The following MOB1B variants were observed in gnomAD, a reference collection of about 807,000 sequenced individuals.
The protein encoded by MOB1B is MOB kinase activator 1B, also known as MOB1 Mps One Binder homolog B.
MOB1B carries 19 observed loss-of-function variants against 24.4 expected under a neutral mutation model. The ratio of observed to expected loss-of-function variants is 0.78; its 90% CI spans 0.54 to 1.14. MOB1B has a LOEUF of 1.14. Ranked by LOEUF, MOB1B falls within the 50% of genes most tolerant of loss-of-function variation. MOB1B has a pLI of 0.00. For missense variants in MOB1B, 243 were observed against 259.6 expected (o/e 0.94, Z 0.44); for synonymous variants, 76 against 82.1 (o/e 0.93, Z 0.40).
intron 3 of MOB1B, among the ~76,000 whole-genome samples, chr4:70,972,011 T>C (rs560460741): frequency 4.0e-4 from 60 of 151,846 alleles, no homozygotes; most frequent in African/African-American, 1.4e-3. Context: ...TTTCTCCCTT[T>C]TTTTTTTTGG....
At chr4:70,961,780 A>ACTTC (rs1418095141) in intron 2 of MOB1B, among the ~76,000 whole-genome samples, 2 of 152,236 alleles carry the variant, frequency 1.3e-5, no homozygotes, top group African/African-American at 4.8e-5. Context: ...CAGGACAGAT[A>ACTTC]CTTCCAGTCA....
chr4:70,944,896 C>T (rs1737513176), intron 1 of MOB1B, among the ~76,000 whole-genome samples: 1 of 152,176 alleles, frequency 6.6e-6, no homozygotes, highest in African/African-American at 2.4e-5. Flanking sequence ...ATCCAAACAC[C>T]TACCAGCATT....
chr4:70,965,063 C>T (rs368943369), intron 2 of MOB1B, among the ~76,000 whole-genome samples: 13 of 151,176 alleles, frequency 8.6e-5, no homozygotes, highest in South Asian at 2.1e-4. Flanking sequence ...TTTGGGAGGC[C>T]GAGGTAGGTG....
chr4:70,948,586 A>G (rs527957198), intron 1 of MOB1B, among the ~76,000 whole-genome samples: 2 of 152,300 alleles, frequency 1.3e-5, no homozygotes, highest in East Asian at 1.9e-4. Context: ...TGTTATTTCT[A>G]AAGATACTGA....
intron 1 of MOB1B, among the ~76,000 whole-genome samples, chr4:70,934,238 C>T (rs1222480737): frequency 6.6e-6 from 1 of 150,992 alleles, no homozygotes; most frequent in African/African-American, 2.4e-5. Context: ...GCATGTACCA[C>T]ATGTGCCTGG....
At chr4:70,905,970 G>A (rs1441111398) in intron 1 of MOB1B, among the ~76,000 whole-genome samples, 1 of 152,076 alleles carries the variant, frequency 6.6e-6, no homozygotes, top group Non-Finnish European at 1.5e-5. Flanking sequence ...TGGGGGCTGA[G>A]GTGGAAGGGT....
intron 3 of MOB1B, among the ~76,000 whole-genome samples, chr4:70,974,757 A>G (rs57461326): frequency 0.028 from 4,240 of 152,284 alleles, 195 homozygotes; most frequent in African/African-American, 0.095. Context: ...GCCCCAAGTT[A>G]AAAAGAATTG....
chr4:70,956,567 G>A (rs766472459), intron 1 of MOB1B, among the ~76,000 whole-genome samples: 2 of 151,992 alleles, frequency 1.3e-5, no homozygotes, highest in Non-Finnish European at 2.9e-5. Flanking sequence ...AGTAGCTGGG[G>A]TTACAAGCAT....
At chr4:70,930,639 T>C (rs541134072) in intron 1 of MOB1B, among the ~76,000 whole-genome samples, 16 of 152,338 alleles carry the variant, frequency 1.1e-4, no homozygotes, top group African/African-American at 3.8e-4. Context: ...ATACTGTGCA[T>C]GATTGTATGT....
chr4:70,950,157 C>T (rs576656542), intron 1 of MOB1B, among the ~76,000 whole-genome samples: 5 of 151,886 alleles, frequency 3.3e-5, no homozygotes, highest in South Asian at 2.1e-4. Flanking sequence ...GGCTTTAGGC[C>T]GAGTGCTGTG....
intron 1 of MOB1B, among the ~76,000 whole-genome samples, chr4:70,951,009 A>T (rs970765627): frequency 6.6e-6 from 1 of 152,170 alleles, no homozygotes; most frequent in South Asian, 2.1e-4. Context: ...CCTTGAAGAG[A>T]TGGAGCTGTT....
At chr4:70,915,776 C>A (rs1736170590) in intron 1 of MOB1B, among the ~76,000 whole-genome samples, 1 of 151,334 alleles carries the variant, frequency 6.6e-6, no homozygotes, top group Non-Finnish European at 1.5e-5. Context: ...TGGCTTGAGG[C>A]ATAGTCCCTA....
At chr4:70,941,041 TAA>T (rs1296007932) in intron 1 of MOB1B, among the ~76,000 whole-genome samples, 2 of 152,242 alleles carry the variant, frequency 1.3e-5, no homozygotes, top group African/African-American at 4.8e-5. Context: ...TAACCAAATT[TAA>T]CTGTAGTATT....
chr4:70,902,245 G>C (rs1409825585), upstream of MOB1B: 8 of 553,814 alleles, frequency 1.4e-5, no homozygotes, highest in African/African-American at 3.9e-5. Flanking sequence ...GCGAGAGCTC[G>C]TGAGGTGGGG....
Position 70,915,814 on chromosome 4 carries a change from C to T in MOB1B, c.14+13264C>T, listed in dbSNP as rs910613136. ...TATTGGGGATCGTGGAACTGTCTCC[C>T]TGCTCTGTCTAGTGGAAGCAGGGTA... On this transcript the variant is annotated intron_variant, in intron 1 of 5. Coordinates refer to ENST00000309395, the MANE Select transcript of MOB1B (RefSeq NM_173468.4). 3.3e-5 allele frequency among the ~76,000 whole-genome samples: 5 copies of T among 152,004 alleles called. No homozygotes were observed. The South Asian group carries it at 8.3e-4, about 25-fold the overall frequency.
intron 1 of MOB1B, among the ~76,000 whole-genome samples, chr4:70,923,111 A>C (rs189496897): frequency 6.6e-6 from 1 of 152,300 alleles, no homozygotes; most frequent in African/African-American, 2.4e-5. Flanking sequence ...GAACCGCAGC[A>C]CAAAAGCCTG....
rs941189961 is a variant in MOB1B at position 70,983,043 on chromosome 4, A to G, written c.*986A>G. The G allele has an allele frequency of 1.3e-5, 2 of 152,338 alleles. No homozygotes were observed. The highest frequency in any genetic ancestry group is 4.8e-5 in the African/African-American group (2 of 41,460). 9.4% of individuals were successfully genotyped at this position (152,338 alleles called of 1,614,324 possible). On this transcript the variant is annotated 3_prime_UTR_variant, in exon 6 of 6. Coordinates refer to ENST00000309395, the MANE Select transcript of MOB1B (RefSeq NM_173468.4). ...GAAAGTTTTGTCTGAAAACCTTTGAATAGAATGGCATGAAGATTTTAATCA... is the reference window on the plus strand; with the variant it reads ...GAAAGTTTTGTCTGAAAACCTTTGAGTAGAATGGCATGAAGATTTTAATCA...
intron 1 of MOB1B, among the ~76,000 whole-genome samples, chr4:70,938,334 C>CCCA (rs1737176271): frequency 1.6e-4 from 1 of 6,308 alleles, no homozygotes. Context: ...CCCCCCCCCC[C>CCCA]AAAAAAAAAA....
chr4:70,902,260 C>T (rs762054738), upstream of MOB1B: 204 of 560,006 alleles, frequency 3.6e-4, no homozygotes, highest in Non-Finnish European at 5.4e-4. Context: ...GTGGGGGCGG[C>T]GGGGAGCTGG....
Sources: allele counts gnomAD v4.1 joint callset (sites outside exome capture counted in the v4.1 genomes callset), GRCh38; gene constraint gnomAD v4.1.1; transcripts MANE v1.5; gene names NCBI Gene and HGNC (gene_info 2026-07-23, HGNC 2026-07-21).